The following CHLSN variants were observed in gnomAD, a reference collection of about 807,000 sequenced individuals.
CHLSN encodes protein cholesin.
chr7:1,062,591 G>A, the CHLSN span, among the ~76,000 whole-genome samples: 29 of 152,164 alleles, frequency 1.9e-4, 2 homozygotes, highest in Admixed American at 1.2e-3. Flanking sequence ...CCACACAGGC[G>A]TTACTCCTCC....
At chr7:1,070,627 C>CA in the CHLSN span, among the ~76,000 whole-genome samples, 10,441 of 145,892 alleles carry the variant, frequency 0.072, 411 homozygotes, top group Middle Eastern at 0.13. Context: ...CACACGCACA[C>CA]AACACGCACA....
chr7:1,059,590 G>C, the CHLSN span, among the ~76,000 whole-genome samples: 1 of 138,280 alleles, frequency 7.2e-6, no homozygotes, highest in African/African-American at 2.7e-5. Flanking sequence ...AGTGAGGCGG[G>C]TCCCGAGTGG....
chr7:1,106,245 A>C, the CHLSN span, among the ~76,000 whole-genome samples: 3 of 152,122 alleles, frequency 2.0e-5, no homozygotes, highest in African/African-American at 7.2e-5. Context: ...TGCCACCACC[A>C]ACTTGCCCAA....
At chr7:1,078,580 C>CA in the CHLSN span, among the ~76,000 whole-genome samples, 7,050 of 152,286 alleles carry the variant, frequency 0.046, 213 homozygotes, top group African/African-American at 0.068. Context: ...TAACGCCCCC[C>CA]ACGCCGGTTC....
chr7:1,110,704 C>T, the CHLSN span, among the ~76,000 whole-genome samples: 1 of 152,224 alleles, frequency 6.6e-6, no homozygotes, highest in East Asian at 1.9e-4. Context: ...TAAACACAAA[C>T]AGCCCAACTG....
the CHLSN span, among the ~76,000 whole-genome samples, chr7:1,046,758 G>T: frequency 2.0e-5 from 3 of 152,292 alleles, no homozygotes; most frequent in South Asian, 2.1e-4. Context: ...CCACACCCAG[G>T]TCCCTTCCTG....
chr7:1,015,543 T>C, the CHLSN span, among the ~76,000 whole-genome samples: 2 of 152,164 alleles, frequency 1.3e-5, no homozygotes, highest in African/African-American at 4.8e-5. Flanking sequence ...CCCCCAAGTC[T>C]AAGGGAGCAG....
At chr7:1,086,964 CGGTGCCT>C in the CHLSN span, 4 of 152,268 alleles carry the variant, frequency 2.6e-5, no homozygotes, top group Non-Finnish European at 2.9e-5. Context: ...CCGGGGCTGG[CGGTGCCT>C]GAGGACCCCT....
chr7:1,059,681 CCGTAGTGGGGCGGGTCTGTAG>C, the CHLSN span, among the ~76,000 whole-genome samples: 8 of 46,946 alleles, frequency 1.7e-4, 1 homozygote, highest in Admixed American at 2.6e-4. Context: ...TGAGGCGGGT[CCGTAGTGGGGCGGGTCTGTAG>C]TGAGGTGGGT....
At chr7:1,114,020 G>A in the CHLSN span, among the ~76,000 whole-genome samples, 1 of 152,214 alleles carries the variant, frequency 6.6e-6, no homozygotes, top group Non-Finnish European at 1.5e-5. Context: ...CAAGTTAAAT[G>A]TCCTCTTGTT....
chr7:985,036 C>G, the CHLSN span: 9 of 1,612,252 alleles, frequency 5.6e-6, no homozygotes, highest in Admixed American at 3.3e-5. Flanking sequence ...GGGCCGGGAG[C>G]CGGTGGCTGA....
At chr7:1,037,526 C>T in the CHLSN span, among the ~76,000 whole-genome samples, 13 of 144,282 alleles carry the variant, frequency 9.0e-5, no homozygotes, top group African/African-American at 2.5e-4. Flanking sequence ...GGATTGCAGA[C>T]GGAGTCTCGT....
the CHLSN span, among the ~76,000 whole-genome samples, chr7:1,067,728 G>A: frequency 3.6e-5 from 5 of 137,714 alleles, no homozygotes; most frequent in South Asian, 1.2e-3. Context: ...AGGGTTTGGG[G>A]CACAGTCTTC....
the CHLSN span, among the ~76,000 whole-genome samples, chr7:1,105,301 C>T: frequency 6.6e-6 from 1 of 152,230 alleles, no homozygotes; most frequent in African/African-American, 2.4e-5. Context: ...CCAGAAACAG[C>T]TTCAGTCAGG....
chr7:1,037,664 C>A, the CHLSN span, among the ~76,000 whole-genome samples: 7 of 129,002 alleles, frequency 5.4e-5, no homozygotes, highest in African/African-American at 1.1e-4. Context: ...TGCCCGGCCG[C>A]CACCCCGTCT....
chr7:1,135,198 CCCT>C, the CHLSN span, among the ~76,000 whole-genome samples: 1 of 152,112 alleles, frequency 6.6e-6, no homozygotes, highest in African/African-American at 2.4e-5. Context: ...CCTCCTCACT[CCCT>C]CGTGATCCCA....
the CHLSN span, among the ~76,000 whole-genome samples, chr7:1,008,833 G>T: frequency 7.1e-6 from 1 of 139,896 alleles, no homozygotes; most frequent in Non-Finnish European, 1.5e-5. Context: ...TACACAACGT[G>T]TATACACACG....
chr7:1,138,197 AC>A, the CHLSN span: 1 of 55,048 alleles, frequency 1.8e-5, no homozygotes, highest in Non-Finnish European at 3.4e-5. Flanking sequence ...ACCTGCGCCC[AC>A]CTGCGCCCAC....
the CHLSN span, among the ~76,000 whole-genome samples, chr7:1,014,334 G>A: frequency 0.022 from 3,426 of 152,320 alleles, 129 homozygotes; most frequent in East Asian, 0.19. Context: ...TTTAACTCCT[G>A]GCAAGAGACA....
Sources: allele counts gnomAD v4.1 joint callset (sites outside exome capture counted in the v4.1 genomes callset), GRCh38; gene constraint gnomAD v4.1.1; transcripts MANE v1.5; gene names NCBI Gene and HGNC (gene_info 2026-07-23, HGNC 2026-07-21).